The following SPATA16 variants were observed in gnomAD, a reference collection of about 807,000 sequenced individuals.
SPATA16 encodes the protein spermatogenesis-associated protein 16.
A neutral mutation model predicts 63.3 loss-of-function variants in SPATA16; 36 were observed. The observed-to-expected ratio is 0.57, with a 90% CI of 0.44 to 0.75. The LOEUF is 0.75. SPATA16 is among the 30% of genes least tolerant of loss of function. SPATA16 has a pLI of 0.00. For missense variants in SPATA16, 646 were observed against 679.3 expected, an observed-to-expected ratio of 0.95 and a Z score of 0.54; for synonymous variants, 203 against 216.7, an observed-to-expected ratio of 0.94 and a Z score of 0.56.
At chr3:173,137,988 T>A (rs75183638) in intron 1 of SPATA16, among the ~76,000 whole-genome samples, 1 of 152,086 alleles carries the variant, frequency 6.6e-6, no homozygotes, top group African/African-American at 2.4e-5. Flanking sequence ...TTTCCAAATG[T>A]CTGTTCAACA....
chr3:173,106,556 G>A (rs1418518415), intron 2 of SPATA16, among the ~76,000 whole-genome samples: 2 of 152,140 alleles, frequency 1.3e-5, no homozygotes, highest in African/African-American at 2.4e-5. Context: ...CTGATTCCCA[G>A]TGGATCCATT....
chr3:173,013,749 A>G (rs1735122510), intron 4 of SPATA16, among the ~76,000 whole-genome samples: 1 of 152,260 alleles, frequency 6.6e-6, no homozygotes. Flanking sequence ...TCAGAGGCTC[A>G]TGACCTTCAT....
chr3:173,121,291 CTA>C (rs1738064263), intron 1 of SPATA16, among the ~76,000 whole-genome samples: 1 of 151,578 alleles, frequency 6.6e-6, no homozygotes, highest in Admixed American at 6.6e-5. Context: ...TTATAAAACT[CTA>C]TTTAAATAAT....
At chr3:173,010,731 C>G (rs1272643933) in intron 4 of SPATA16, among the ~76,000 whole-genome samples, 1 of 152,106 alleles carries the variant, frequency 6.6e-6, no homozygotes, top group Non-Finnish European at 1.5e-5. Context: ...CTGAGCATTT[C>G]AATGGTGGCT....
chr3:173,003,548 A>G (rs570931081), intron 4 of SPATA16, among the ~76,000 whole-genome samples: 1 of 152,324 alleles, frequency 6.6e-6, no homozygotes, highest in African/African-American at 2.4e-5. Context: ...TACCAAATGC[A>G]AAACATAATT....
intron 2 of SPATA16, among the ~76,000 whole-genome samples, chr3:173,068,391 C>T (rs1467078909): frequency 6.6e-6 from 1 of 152,106 alleles, no homozygotes; most frequent in African/African-American, 2.4e-5. Context: ...CTATTTGCTT[C>T]TTTGTTTTTT....
At chr3:172,990,123 G>T (rs1015132645) in intron 4 of SPATA16, among the ~76,000 whole-genome samples, 3 of 152,168 alleles carry the variant, frequency 2.0e-5, no homozygotes, top group African/African-American at 7.2e-5. Flanking sequence ...GGAGGTCAGG[G>T]ATCATGTCTT....
intron 4 of SPATA16, among the ~76,000 whole-genome samples, chr3:173,008,060 A>C (rs986785804): frequency 3.3e-5 from 5 of 152,126 alleles, no homozygotes; most frequent in Non-Finnish European, 7.3e-5. Context: ...ATTTCAGTGC[A>C]TTTTCAAATT....
At chr3:173,075,363 A>G (rs1254775410) in intron 2 of SPATA16, among the ~76,000 whole-genome samples, 1 of 152,206 alleles carries the variant, frequency 6.6e-6, no homozygotes, top group Non-Finnish European at 1.5e-5. Context: ...TATGAAGAAT[A>G]GTATGGAGGT....
chr3:173,071,531 A>T (rs1736673949), intron 2 of SPATA16, among the ~76,000 whole-genome samples: 3 of 152,194 alleles, frequency 2.0e-5, no homozygotes, highest in South Asian at 2.1e-4. Flanking sequence ...AACCCACAGG[A>T]TGGGAGAAAA....
chr3:172,965,073 A>G (rs1036999736), intron 5 of SPATA16, among the ~76,000 whole-genome samples: 2 of 152,172 alleles, frequency 1.3e-5, no homozygotes, highest in Non-Finnish European at 2.9e-5. Flanking sequence ...ATGAGTCTTC[A>G]CCTGTGCGTT....
At chr3:173,113,192 G>A (rs11917548) in intron 2 of SPATA16, among the ~76,000 whole-genome samples, 2,150 of 152,200 alleles carry the variant, frequency 0.014, 31 homozygotes, top group Middle Eastern at 0.071. Flanking sequence ...TACTGTTTTT[G>A]TAGTGGGGAA....
chr3:172,986,762 T>C (rs183294462), intron 4 of SPATA16, among the ~76,000 whole-genome samples: 1 of 152,228 alleles, frequency 6.6e-6, no homozygotes, highest in Admixed American at 6.5e-5. Context: ...AAATAGAAAG[T>C]GGCAAGGGCA....
chr3:172,983,793 C>A (rs1218485661), intron 4 of SPATA16, among the ~76,000 whole-genome samples: 1 of 151,888 alleles, frequency 6.6e-6, no homozygotes, highest in African/African-American at 2.4e-5. Context: ...TTTATCTAGG[C>A]TCACATATTT....
intron 6 of SPATA16, among the ~76,000 whole-genome samples, chr3:172,932,906 A>G (rs975515148): frequency 6.6e-6 from 1 of 152,154 alleles, no homozygotes. Flanking sequence ...CTGGTGGTCT[A>G]CTTCTCCAAG....
intron 2 of SPATA16, among the ~76,000 whole-genome samples, chr3:173,104,428 A>T (rs1307296417): frequency 1.3e-5 from 2 of 152,224 alleles, no homozygotes; most frequent in Non-Finnish European, 2.9e-5. Flanking sequence ...AAAAAGGTTT[A>T]GTTGGCTTAC....
At chr3:172,916,203 G>T in intron 9 of SPATA16, 114 bp downstream of exon 9, 1 of 1,279,140 alleles carries the variant, frequency 7.8e-7, no homozygotes, top group Non-Finnish European at 1.1e-6. Flanking sequence ...TTGGGAGTTT[G>T]CCCTCAGGCT....
At chr3:173,130,862 T>C (rs535528159) in intron 1 of SPATA16, among the ~76,000 whole-genome samples, 150 of 152,368 alleles carry the variant, frequency 9.8e-4, no homozygotes, top group Middle Eastern at 6.8e-3. Flanking sequence ...TTTAGTGCTA[T>C]TATTTGAATA....
At chr3:173,104,966 C>T (rs1048025776) in intron 2 of SPATA16, among the ~76,000 whole-genome samples, 1 of 152,156 alleles carries the variant, frequency 6.6e-6, no homozygotes, top group African/African-American at 2.4e-5. Context: ...ATGCTGTCCA[C>T]TTCTTTTTCC....
Sources: gnomAD v4.1 joint callset for allele counts (sites outside exome capture counted in the v4.1 genomes callset) on GRCh38, gnomAD v4.1.1 for gene constraint, MANE v1.5 for transcripts, NCBI Gene and HGNC (gene_info 2026-07-23, HGNC 2026-07-21) for gene names.